KALRN: variants seen among roughly 807,000 people sequenced by gnomAD.
The protein encoded by KALRN is kalirin RhoGEF kinase.
Under a neutral mutation model 353.7 loss-of-function variants are expected in KALRN, and 70 were observed. The ratio of observed to expected loss-of-function variants is 0.20; its 90% CI spans 0.16 to 0.24. The LOEUF (loss-of-function observed/expected upper bound fraction) is 0.24. Among genes scored for constraint, KALRN ranks in the 10% least tolerant of loss-of-function variants. The probability of loss-of-function intolerance (pLI) is 1.00; values close to 1 mark genes in which losing one functional copy is unlikely to be tolerated. For missense variants in KALRN, 2,791 were observed against 3,756.7 expected, an observed-to-expected ratio of 0.74 and a Z score of 6.72; for synonymous variants, 1,391 against 1,434.8, an observed-to-expected ratio of 0.97 and a Z score of 0.69.
intron 33 of KALRN, among the ~76,000 whole-genome samples, chr3:124,525,468 G>T (rs1476167053): frequency 6.6e-6 from 1 of 152,156 alleles, no homozygotes; most frequent in Admixed American, 6.5e-5. Context: ...GGAAGTACCA[G>T]GTTGGGGGTG....
At chr3:124,372,449 G>A (rs1181080572) in intron 10 of KALRN, among the ~76,000 whole-genome samples, 3 of 151,352 alleles carry the variant, frequency 2.0e-5, no homozygotes, top group Non-Finnish European at 4.4e-5. Flanking sequence ...AACTATTTAT[G>A]TGAGCTTCTT....
intron 17 of KALRN, among the ~76,000 whole-genome samples, chr3:124,435,994 C>G (rs1340395434): frequency 6.6e-6 from 1 of 152,168 alleles, no homozygotes; most frequent in East Asian, 1.9e-4. Flanking sequence ...GGGATCAAGA[C>G]AGAATCGTAT....
chr3:124,228,657 G>T (rs2078841177), intron 2 of KALRN, among the ~76,000 whole-genome samples: 1 of 152,124 alleles, frequency 6.6e-6, no homozygotes, highest in African/African-American at 2.4e-5. Flanking sequence ...AGTTTTATTG[G>T]TACACAGCAA....
At chr3:124,414,953 G>A (rs2092413878) in intron 14 of KALRN, among the ~76,000 whole-genome samples, 1 of 152,224 alleles carries the variant, frequency 6.6e-6, no homozygotes, top group African/African-American at 2.4e-5. Context: ...TTCTTTCGAT[G>A]ACCTGAAAGA....
In KALRN at chr3:124,138,833, A is replaced by C. The variant is rs190132869; in HGVS notation, c.74-89157A>C. ...CAGAGAGCTCCCAGCTTGTTGGAGG[A>C]GACCATGGTATTCATCTCCATGACA... On this transcript the variant is annotated intron_variant, in intron 1 of 59. Transcript: ENST00000682506. Among the ~76,000 whole-genome samples the C allele has an allele frequency of 6.9e-4, 105 of 152,308 alleles. No homozygotes were observed. In the South Asian group the frequency reaches 0.014, roughly 20 times the overall value.
At position 124,179,395 on chromosome 3, in the gene KALRN, A is replaced by G. The variant is rs188564293; in HGVS notation, c.74-48595A>G. ...TACCTCCACATCTTGTCTCACTGGA[A>G]GGTCTTCAGGGGCAATAACACACAT... On this transcript the variant is annotated intron_variant, in intron 1 of 59. Coordinates refer to ENST00000682506, the MANE Select transcript of KALRN (RefSeq NM_001388419.1). Among the ~76,000 whole-genome samples the G allele has an allele frequency of 4.9e-4, 75 of 152,348 alleles. 2 individuals carry two copies. In the East Asian group the frequency reaches 6.0e-3, roughly 12 times the overall value.
chr3:124,297,358 A>T (rs933759990), intron 5 of KALRN, among the ~76,000 whole-genome samples: 18 of 152,242 alleles, frequency 1.2e-4, no homozygotes, highest in African/African-American at 4.1e-4. Context: ...TGTGAGGCTT[A>T]AGTAGTGCAG....
At chr3:124,663,023 A>G (rs2085088632) in intron 45 of KALRN, among the ~76,000 whole-genome samples, 2 of 152,052 alleles carry the variant, frequency 1.3e-5, no homozygotes, top group African/African-American at 4.8e-5. Flanking sequence ...CAGTGGCAAC[A>G]AAACCTCCTC....
At chr3:124,421,638 GGTAGTCTTT>G in intron 14 of KALRN, among the ~76,000 whole-genome samples, 1 of 152,260 alleles carries the variant, frequency 6.6e-6, no homozygotes, top group Middle Eastern at 3.4e-3. Context: ...TACACTTTCG[GGTAGTCTTT>G]GAGAGCCAAG....
chr3:124,620,884 A>G (rs2079191817), intron 34 of KALRN, among the ~76,000 whole-genome samples: 1 of 152,208 alleles, frequency 6.6e-6, no homozygotes, highest in South Asian at 2.1e-4. Context: ...GGGAACTTTC[A>G]TTTTATCCTC....
chr3:124,484,137 A>G (rs1305698996), intron 28 of KALRN, among the ~76,000 whole-genome samples: 4 of 152,202 alleles, frequency 2.6e-5, no homozygotes, highest in African/African-American at 9.7e-5. Context: ...GCATAATCTC[A>G]TTTCACTGAA....
intron 18 of KALRN, 49 bp from the exon 19 acceptor site, chr3:124,441,896 A>T (rs113375023): frequency 8.3e-7 from 1 of 1,201,622 alleles, no homozygotes; most frequent in Admixed American, 2.3e-5. Context: ...ATTGTCTTGG[A>T]TTCCATACAC....
intron 33 of KALRN, among the ~76,000 whole-genome samples, chr3:124,516,653 A>C (rs1000187566): frequency 6.6e-5 from 10 of 151,544 alleles, no homozygotes; most frequent in South Asian, 6.2e-4. Flanking sequence ...AAAAAAAAAA[A>C]AACCTGGTAA....
chr3:124,591,985 A>G (rs1456734606), intron 34 of KALRN, among the ~76,000 whole-genome samples: 3 of 152,200 alleles, frequency 2.0e-5, no homozygotes, highest in Non-Finnish European at 4.4e-5. Context: ...TTTGTGTTAC[A>G]TAAAAGAAGA....
chr3:124,452,879 C>T (rs1406399298), intron 21 of KALRN, among the ~76,000 whole-genome samples: 2 of 152,212 alleles, frequency 1.3e-5, no homozygotes, highest in Non-Finnish European at 2.9e-5. Context: ...AGTATGGCTG[C>T]TGCCACCAGC....
At chr3:124,131,616 A>C (rs2065286120) in intron 1 of KALRN, among the ~76,000 whole-genome samples, 1 of 152,192 alleles carries the variant, frequency 6.6e-6, no homozygotes, top group Non-Finnish European at 1.5e-5. Flanking sequence ...ATGAATCATC[A>C]TGGTACTTGG....
chr3:124,094,028 C>T (rs2061279388), intron 1 of KALRN: 1 of 152,252 alleles, frequency 6.6e-6, no homozygotes, highest in Admixed American at 6.5e-5. Flanking sequence ...CCAGTATCTA[C>T]CAGGTGCAAC....
chr3:124,512,609 C>T (rs2066053714), intron 33 of KALRN, among the ~76,000 whole-genome samples: 1 of 151,944 alleles, frequency 6.6e-6, no homozygotes, highest in Admixed American at 6.5e-5. Context: ...TGAGATCACA[C>T]CACTGCACTC....
At chr3:124,435,936 C>G (rs1024278032) in intron 17 of KALRN, among the ~76,000 whole-genome samples, 9 of 152,160 alleles carry the variant, frequency 5.9e-5, no homozygotes, top group African/African-American at 1.9e-4. Context: ...GAAGAACAAA[C>G]TTGGACAAGT....
Sources: gnomAD v4.1 joint callset for allele counts (sites outside exome capture counted in the v4.1 genomes callset) on GRCh38, gnomAD v4.1.1 for gene constraint, MANE v1.5 for transcripts, NCBI Gene and HGNC (gene_info 2026-07-23, HGNC 2026-07-21) for gene names.